Variants in DNAI3 observed in about 807,000 individuals in gnomAD.
DNAI3 encodes dynein axonemal intermediate chain 3, also known as WD repeat domain 63.
A neutral mutation model predicts 115.5 loss-of-function variants in DNAI3; 83 were observed. That is an observed-to-expected ratio of 0.72 (90% CI 0.60 to 0.86). DNAI3 has a LOEUF of 0.86. DNAI3 is among the 40% of genes least tolerant of loss of function. DNAI3 has a pLI of 0.00. For missense variants in DNAI3, 1,004 were observed against 1,075.8 expected (o/e 0.93, Z 0.93); for synonymous variants, 320 against 347.0 (o/e 0.92, Z 0.86).
In DNAI3 at chr1:85,119,232, G is replaced by A. The variant is rs543217770; in HGVS notation, c.1917+1373G>A. Among the ~76,000 whole-genome samples the A allele has an allele frequency of 8.5e-5, 13 of 152,238 alleles. No individual in the cohort carries two copies. In the South Asian group the frequency reaches 2.3e-3, roughly 27 times the overall value. On this transcript the variant is annotated intron_variant, in intron 17 of 22. Coordinates refer to ENST00000294664, the MANE Select transcript of DNAI3 (RefSeq NM_145172.5). The stretch of plus-strand genomic sequence containing the variant: ...CTTTCCCAAAGGAGTTCAATAATCT[G>A]TTGGAAAAGTACATTCATATTGTAC...
At chr1:85,103,422 GCGTCTCA>G (rs1446765509) in intron 13 of DNAI3, among the ~76,000 whole-genome samples, 5 of 151,948 alleles carry the variant, frequency 3.3e-5, no homozygotes, top group Non-Finnish European at 7.4e-5. Context: ...CTTTTATTTG[GCGTCTCA>G]TTTAACACTT....
chr1:85,077,734 G>A (rs944311781), intron 3 of DNAI3, among the ~76,000 whole-genome samples: 1 of 152,120 alleles, frequency 6.6e-6, no homozygotes, highest in Non-Finnish European at 1.5e-5. Flanking sequence ...TTATGGGTAT[G>A]TACTTTATCT....
In DNAI3 at chr1:85,108,028, T is replaced by C; in HGVS notation, c.1554-5T>C. The C allele has an allele frequency of 6.5e-7, 1 of 1,530,690 alleles. No homozygotes were observed. Among genetic ancestry groups the C allele is most frequent in the East Asian group, 2.4e-5 (1 of 41,874 alleles). The allele number at this position is 1,530,690 out of a possible 1,614,324, so 94.8% of individuals were successfully genotyped here. ...TAATAAAAAATATATATAAATTTTTTTTAGCACAATATGTTTTTGGGATAT... is the reference window on the plus strand; with the variant it reads ...TAATAAAAAATATATATAAATTTTTCTTAGCACAATATGTTTTTGGGATAT... On this transcript the variant is annotated splice_region_variant and splice_polypyrimidine_tract_variant and intron_variant, in intron 14 of 22. Transcript: ENST00000294664.
intron 14 of DNAI3, among the ~76,000 whole-genome samples, chr1:85,107,744 T>C (rs1435662310): frequency 6.6e-6 from 1 of 152,214 alleles, no homozygotes; most frequent in Non-Finnish European, 1.5e-5. Flanking sequence ...TGGATGAATG[T>C]TGTAGTATAT....
At chr1:85,069,890 G>C (rs555446640) in intron 1 of DNAI3, among the ~76,000 whole-genome samples, 1 of 152,330 alleles carries the variant, frequency 6.6e-6, no homozygotes, top group African/African-American at 2.4e-5. Context: ...AGTCTAAAGA[G>C]TTGAGTCAGA....
intron 14 of DNAI3, among the ~76,000 whole-genome samples, chr1:85,105,581 C>A (rs1356471257): frequency 6.6e-6 from 1 of 150,808 alleles, no homozygotes; most frequent in Non-Finnish European, 1.5e-5. Context: ...ATATGAGGCT[C>A]TGAAGGCAAA....
intron 22 of DNAI3, among the ~76,000 whole-genome samples, chr1:85,131,815 G>A (rs952399603): frequency 3.3e-5 from 5 of 152,238 alleles, no homozygotes; most frequent in African/African-American, 9.6e-5. Flanking sequence ...CAGTGGGAGC[G>A]AGTAGAATTG....
intron 13 of DNAI3, among the ~76,000 whole-genome samples, chr1:85,100,386 G>A (rs767565701): frequency 3.9e-5 from 6 of 152,110 alleles, no homozygotes; most frequent in Admixed American, 6.5e-5. Context: ...TCATCATCAC[G>A]GGCCATCAGA....
chr1:85,084,586 A>T lies in DNAI3; in HGVS notation c.431A>T (p.His144Leu), dbSNP rs200289852. ...GAAGAACAAGAAGAATATAAAGAAC[A>T]TATTCCTGAAGATGTGTATATTTAT... ...VPEEQEEYKE[H>L]IPEDVYIYKP... The change falls in exon 6 of 23, where the codon CAT becomes CTT. Residue 144 changes from histidine (H) to leucine (L), a missense_variant. By Grantham distance (99) the His-to-Leu change is moderately conservative (BLOSUM62 -3). Coordinates refer to ENST00000294664, the MANE Select transcript of DNAI3 (RefSeq NM_145172.5). 3.2e-6 allele frequency: 5 copies of T among 1,546,642 alleles called. No homozygotes were observed. Among genetic ancestry groups the T allele is most frequent in the Admixed American group, 2.0e-5 (1 of 51,036 alleles).
chr1:85,086,979 C>T (rs1199257712), intron 7 of DNAI3, among the ~76,000 whole-genome samples: 1 of 152,016 alleles, frequency 6.6e-6, no homozygotes, highest in Non-Finnish European at 1.5e-5. Context: ...CCTGCTCATC[C>T]ATCCAGCCAC....
At chr1:85,084,277 T>TATATATATAC (rs59205168) in intron 5 of DNAI3, among the ~76,000 whole-genome samples, 5,406 of 128,198 alleles carry the variant, frequency 0.042, 176 homozygotes, top group East Asian at 0.075. Flanking sequence ...TATATATATA[T>TATATATATAC]ACACATCCAT....
chr1:85,120,591 T>G (rs1459942395), intron 17 of DNAI3, among the ~76,000 whole-genome samples: 1 of 152,194 alleles, frequency 6.6e-6, no homozygotes, highest in Non-Finnish European at 1.5e-5. Flanking sequence ...CAGGAGATAT[T>G]AATAACTCTC....
At chr1:85,128,169 G>T (rs959571312) in intron 20 of DNAI3, among the ~76,000 whole-genome samples, 3 of 134,142 alleles carry the variant, frequency 2.2e-5, no homozygotes, top group African/African-American at 8.2e-5. Context: ...AGAAGGAGAA[G>T]AAAAAGATTA....
chr1:85,113,035 C>G (rs937041011), intron 16 of DNAI3, among the ~76,000 whole-genome samples: 1 of 152,196 alleles, frequency 6.6e-6, no homozygotes, highest in African/African-American at 2.4e-5. Context: ...TCCCAAAGTT[C>G]CAGGATTATG....
intron 18 of DNAI3, among the ~76,000 whole-genome samples, chr1:85,123,611 G>C (rs1656048108): frequency 6.6e-6 from 1 of 152,124 alleles, no homozygotes; most frequent in Admixed American, 6.6e-5. Flanking sequence ...AGCCTTTCCT[G>C]ACCCTTCAGT....
At chr1:85,104,165 G>GGCT (rs1395464685) in intron 13 of DNAI3, among the ~76,000 whole-genome samples, 1 of 146,488 alleles carries the variant, frequency 6.8e-6, no homozygotes, top group African/African-American at 2.5e-5. Flanking sequence ...CTGTCGCCCA[G>GGCT]GCTGGAGTGC....
chr1:85,082,304 A>G lies in DNAI3; in HGVS notation c.290A>G (p.Tyr97Cys), dbSNP rs138489274. ...ATCTCAATTATATTCTTGTAGGAAT[A>G]TCCTGGAAATGAGCTTCTGCTTGTT... ...FHPVKKIVQEYPGNELLLVYD... is the reference protein window; with the variant it reads ...FHPVKKIVQECPGNELLLVYD... The change falls in exon 5 of 23, where the codon TAT (tyrosine) becomes TGT (cysteine). Residue 97 changes from tyrosine to cysteine, a missense_variant. Coordinates refer to ENST00000294664, the MANE Select transcript of DNAI3 (RefSeq NM_145172.5). The G allele has an allele frequency of 6.2e-7, 1 of 1,610,874 alleles. No individual in the cohort carries two copies. Among genetic ancestry groups the G allele is most frequent in the East Asian group, 2.2e-5 (1 of 44,860 alleles).
intron 17 of DNAI3, among the ~76,000 whole-genome samples, chr1:85,121,313 A>G (rs1199548299): frequency 6.6e-6 from 1 of 152,234 alleles, no homozygotes. Flanking sequence ...CCTGAAAAGT[A>G]GTAATTACTA....
rs1208212355 is a variant in DNAI3, at chr1:85,126,370, G to T, written c.2113-141G>T. The T allele has an allele frequency of 1.4e-5, 12 of 828,628 alleles. No homozygotes were observed. The South Asian group carries it at 2.4e-4, about 17-fold the overall frequency. 51.3% of individuals were successfully genotyped at this position (828,628 alleles called of 1,614,324 possible). On this transcript the variant is annotated intron_variant, in intron 19 of 22. Transcript: ENST00000294664. Reference sequence around the variant, plus strand: ...TTATATAAAAACCCTACAACAAAGAGAAGTAAGACTTCCTGTGGGCATAAT... The same window carrying T: ...TTATATAAAAACCCTACAACAAAGATAAGTAAGACTTCCTGTGGGCATAAT...
Sources: gnomAD v4.1 joint callset for allele counts (sites outside exome capture counted in the v4.1 genomes callset) on GRCh38, gnomAD v4.1.1 for gene constraint, MANE v1.5 for transcripts, NCBI Gene and HGNC (gene_info 2026-07-23, HGNC 2026-07-21) for gene names.